Variants in SHPK observed in about 807,000 individuals in gnomAD.
SHPK encodes carbohydrate kinase-like protein.
SHPK carries 51 observed loss-of-function variants against 46.3 expected under a neutral mutation model. The observed-to-expected ratio is 1.10, with a 90% CI of 0.88 to 1.39. SHPK has a LOEUF of 1.39. Among genes scored for constraint, SHPK ranks in the 40% most tolerant of loss-of-function variants. SHPK has a pLI of 0.00. For synonymous variants in SHPK, 290 were observed against 273.9 expected (o/e 1.06, Z -0.58); for missense variants, 668 against 641.3 (o/e 1.04, Z -0.45).
chr17:3,621,031 C>T (rs2075397081), intron 5 of SHPK, among the ~76,000 whole-genome samples: 2 of 152,228 alleles, frequency 1.3e-5, no homozygotes, highest in Non-Finnish European at 2.9e-5. Context: ...TGCTCAGGGA[C>T]AGAACTTGCC....
rs751165491 is a variant in SHPK, at chr17:3,611,011, C to T, written c.1025-39G>A. The T allele has an allele frequency of 1.1e-5, 17 of 1,550,856 alleles. No individual in the cohort carries two copies. In the East Asian group the frequency reaches 2.9e-4, roughly 27 times the overall value. On this transcript the variant is annotated intron_variant, in intron 6 of 6. Transcript: ENST00000225519. ...AGAAGATCTGTGTAAGCTCATGCGT[C>T]CCCCTCAGTGCAGGCTGACATGGCA...
chr17:3,622,997 G>T (rs1289775535), intron 4 of SHPK, among the ~76,000 whole-genome samples: 1 of 152,174 alleles, frequency 6.6e-6, no homozygotes, highest in Non-Finnish European at 1.5e-5. Flanking sequence ...GAGCCACCGC[G>T]CCTGGCTCTC....
rs192018379 is a variant in SHPK, at chr17:3,610,376, G to C, written c.*184C>G. The C allele has an allele frequency of 6.5e-6, 4 of 619,654 alleles. No individual in the cohort carries two copies. The highest frequency in any genetic ancestry group is 5.5e-5 in the African/African-American group (3 of 54,510). 38.4% of individuals were successfully genotyped at this position (619,654 alleles called of 1,614,324 possible). ...GGCACTCATTTGGGATCTGGCTGAC[G>C]GCTCCTGGCTGCATTATTAGAGTAT... On this transcript the variant is annotated 3_prime_UTR_variant, in exon 7 of 7. Transcript: ENST00000225519.
intron 2 of SHPK, among the ~76,000 whole-genome samples, chr17:3,625,946 C>G (rs222789): frequency 2.0e-4 from 31 of 151,910 alleles, no homozygotes; most frequent in African/African-American, 6.8e-4. Flanking sequence ...CCAGCTACTC[C>G]GGAGGCTGAG....
intron 2 of SHPK, 50 bp downstream of exon 2, chr17:3,630,155 T>C (rs1597578175): frequency 6.2e-7 from 1 of 1,611,014 alleles, no homozygotes. Context: ...ACTGCTCTAG[T>C]TCTGGAAGTG....
intron 1 of SHPK, among the ~76,000 whole-genome samples, chr17:3,634,230 T>C (rs1222912897): frequency 3.9e-5 from 5 of 127,518 alleles, no homozygotes; most frequent in South Asian, 2.5e-4. Context: ...CCCTGCCAAA[T>C]CCCCCTCTGC....
At position 3,615,572 on chromosome 17, in the gene SHPK, G is replaced by A. The variant is rs373545005; in HGVS notation, c.824-35C>T. 1.4e-4 allele frequency: 226 copies of A among 1,594,854 alleles called. 1 individual carries two copies. The African/African-American group carries it at 2.5e-3, about 17-fold the overall frequency. The stretch of plus-strand genomic sequence containing the variant: ...GAAGAGAGCAGAGCTTAGGCCTGTC[G>A]GGCTAACTCAGAGGTCACAAGTCAC... On this transcript the variant is annotated intron_variant, in intron 5 of 6. Transcript: ENST00000225519.
At chr17:3,635,532 G>T (rs1338031014) in intron 1 of SHPK, among the ~76,000 whole-genome samples, 1 of 152,322 alleles carries the variant, frequency 6.6e-6, no homozygotes, top group East Asian at 1.9e-4. Flanking sequence ...ACCGCGCCCG[G>T]CTGACCAAAG....
intron 1 of SHPK, among the ~76,000 whole-genome samples, chr17:3,635,043 A>G (rs899783252): frequency 8.7e-4 from 132 of 151,632 alleles, no homozygotes; most frequent in African/African-American, 3.1e-3. Context: ...GCGGTGGCTC[A>G]CACCTGTAGT....
chr17:3,622,481 G>T (rs2075408866), intron 4 of SHPK: 2 of 539,914 alleles, frequency 3.7e-6, no homozygotes, highest in African/African-American at 2.1e-5. Context: ...AAACGTGTTA[G>T]TCACTCAGGG....
intron 6 of SHPK, 34 bp from the exon 7 acceptor site, chr17:3,611,006 T>C (rs982693652): frequency 1.3e-6 from 2 of 1,563,836 alleles, no homozygotes; most frequent in Non-Finnish European, 1.7e-6. Context: ...TGTAAGCTCA[T>C]GCGTCCCCCT....
chr17:3,621,122 T>C (rs748388230), intron 5 of SHPK, 115 bp downstream of exon 5: 5 of 861,444 alleles, frequency 5.8e-6, no homozygotes, highest in Non-Finnish European at 8.7e-6. Flanking sequence ...AATAATGATC[T>C]CCAGCAGGAT....
chr17:3,620,647 C>T (rs188513463), intron 5 of SHPK, among the ~76,000 whole-genome samples: 15 of 151,840 alleles, frequency 9.9e-5, no homozygotes, highest in South Asian at 6.3e-4. Context: ...CTGAAACCTC[C>T]GCCTCCCGGG....
chr17:3,625,576 C>A (rs950412434), intron 2 of SHPK, among the ~76,000 whole-genome samples: 1 of 152,168 alleles, frequency 6.6e-6, no homozygotes, highest in African/African-American at 2.4e-5. Flanking sequence ...CCACCGTGAC[C>A]CCCTGGACCA....
Position 3,635,968 on chromosome 17 carries a change from A to G in SHPK, c.168+84T>C, listed in dbSNP as rs2075521042. On this transcript the variant is annotated intron_variant, in intron 1 of 6. Transcript: ENST00000225519. ...CTGGAATAGAGACTTCATTGCGGGAAGGGCTGTCAGGGAGGCCTCCTGGGG... is the reference window on the plus strand; with the variant it reads ...CTGGAATAGAGACTTCATTGCGGGAGGGGCTGTCAGGGAGGCCTCCTGGGG... 5 of 1,303,026 alleles carry G rather than the reference A, an allele frequency of 3.8e-6. No individual in the cohort carries two copies. In the South Asian group the frequency reaches 5.8e-5, roughly 15 times the overall value. The allele number at this position is 1,303,026 out of a possible 1,614,324, so 80.7% of individuals were successfully genotyped here. A position where few individuals can be genotyped will look rare whatever the true frequency, so the allele number is the denominator to read the frequency against.
chr17:3,634,930 G>A (rs2075499206), intron 1 of SHPK, among the ~76,000 whole-genome samples: 1 of 152,028 alleles, frequency 6.6e-6, no homozygotes, highest in Non-Finnish European at 1.5e-5. Flanking sequence ...CTAGCACTTT[G>A]GGAGGCTGAA....
chr17:3,615,226 G>A (rs1435974350), intron 6 of SHPK, 111 bp downstream of exon 6: 2 of 1,028,564 alleles, frequency 1.9e-6, no homozygotes, highest in East Asian at 5.1e-5. Context: ...GGCAGGGTCT[G>A]AGACCTCAAT....
At chr17:3,619,315 C>T (rs1431483690) in intron 5 of SHPK, 1 of 1,052,118 alleles carries the variant, frequency 9.5e-7, no homozygotes, top group Admixed American at 1.7e-5. Context: ...TTGATCAGTC[C>T]ACCACAGTTA....
Position 3,609,209 on chromosome 17 carries a change from A to G in SHPK, c.*1351T>C, listed in dbSNP as rs545534358. 1 of 152,252 alleles carries G rather than the reference A, an allele frequency of 6.6e-6. No individual in the cohort carries two copies. The highest frequency in any genetic ancestry group is 1.9e-4 in the East Asian group (1 of 5,180). 9.4% of individuals were successfully genotyped at this position (152,252 alleles called of 1,614,324 possible). ...CCAAGAATGGGCTTTAGTATCTGAC[A>G]TTTGGCCAGAGTGATCAGGCATTTG... is the stretch of plus-strand genomic sequence containing the variant. On this transcript the variant is annotated 3_prime_UTR_variant, in exon 7 of 7. Coordinates refer to ENST00000225519, the MANE Select transcript of SHPK (RefSeq NM_013276.4).
Sources: allele counts gnomAD v4.1 joint callset (sites outside exome capture counted in the v4.1 genomes callset), GRCh38; gene constraint gnomAD v4.1.1; transcripts MANE v1.5; gene names NCBI Gene and HGNC (gene_info 2026-07-23, HGNC 2026-07-21).